The following SNX29 variants were observed in gnomAD, a reference collection of about 807,000 sequenced individuals.
SNX29 encodes the protein sorting nexin-29.
Under a neutral mutation model 102.1 loss-of-function variants are expected in SNX29, and 78 were observed. The ratio of observed to expected loss-of-function variants is 0.76; its 90% CI spans 0.64 to 0.92. The LOEUF (loss-of-function observed/expected upper bound fraction) is 0.92. Among genes scored for constraint, SNX29 ranks in the 40% least tolerant of loss-of-function variants. SNX29 has a pLI of 0.00. For synonymous variants in SNX29, 580 were observed against 414.5 expected (o/e 1.40, Z -4.85); for missense variants, 1,280 against 1,061.7 (o/e 1.21, Z -2.86).
chr16:12,516,318 A>G (rs978347881), intron 19 of SNX29, among the ~76,000 whole-genome samples: 1 of 151,988 alleles, frequency 6.6e-6, no homozygotes, highest in African/African-American at 2.4e-5. Context: ...CGTCTCTACA[A>G]AAACTTTAAA....
At chr16:12,160,178 C>G (rs1455123034) in intron 13 of SNX29, among the ~76,000 whole-genome samples, 1 of 152,230 alleles carries the variant, frequency 6.6e-6, no homozygotes, top group Non-Finnish European at 1.5e-5. Flanking sequence ...TGGATGCCCA[C>G]TGTTTGCCCC....
At chr16:12,455,929 A>G (rs1809095058) in intron 18 of SNX29, among the ~76,000 whole-genome samples, 1 of 152,120 alleles carries the variant, frequency 6.6e-6, no homozygotes, top group Non-Finnish European at 1.5e-5. Flanking sequence ...GGGCATCTCC[A>G]GGAACTGAGG....
At chr16:12,037,806 T>A (rs1168986258) in intron 4 of SNX29, among the ~76,000 whole-genome samples, 3 of 150,760 alleles carry the variant, frequency 2.0e-5, no homozygotes, top group South Asian at 2.1e-4. Flanking sequence ...AAAAAAAAAA[T>A]TAGCCGTGTA....
At chr16:12,467,631 C>CGTTCGTTT (rs2087120026) in intron 18 of SNX29, among the ~76,000 whole-genome samples, 1 of 136,054 alleles carries the variant, frequency 7.4e-6, no homozygotes, top group Non-Finnish European at 1.5e-5. Context: ...TTAGTTCGTT[C>CGTTCGTTT]GTTCGTTCAT....
chr16:12,141,658 G>A (rs1044124536), intron 13 of SNX29, among the ~76,000 whole-genome samples: 4 of 152,228 alleles, frequency 2.6e-5, no homozygotes, highest in African/African-American at 4.8e-5. Flanking sequence ...GATAACTTAC[G>A]GACATTGCCG....
intron 4 of SNX29, among the ~76,000 whole-genome samples, chr16:12,028,348 A>G (rs1352431070): frequency 6.6e-6 from 1 of 151,806 alleles, no homozygotes. Context: ...ACCCTTCAAT[A>G]GATCTTTTTA....
intron 15 of SNX29, among the ~76,000 whole-genome samples, chr16:12,326,760 A>T (rs1182038521): frequency 1.7e-4 from 1 of 6,034 alleles, no homozygotes. Flanking sequence ...AGTGGATATT[A>T]TACTAGCTTG....
At chr16:12,271,199 G>A (rs562279726) in intron 14 of SNX29, among the ~76,000 whole-genome samples, 1 of 152,356 alleles carries the variant, frequency 6.6e-6, no homozygotes, top group South Asian at 2.1e-4. Flanking sequence ...GACAGCCTGG[G>A]TGTGGCTTAG....
At chr16:11,992,210 C>T (rs1596541411) in intron 1 of SNX29, among the ~76,000 whole-genome samples, 1 of 152,078 alleles carries the variant, frequency 6.6e-6, no homozygotes, top group Non-Finnish European at 1.5e-5. Context: ...GGGAGGACTG[C>T]TTGAGCCCTG....
chr16:12,461,327 G>C (rs1597459269), intron 18 of SNX29, among the ~76,000 whole-genome samples: 1 of 152,246 alleles, frequency 6.6e-6, no homozygotes, highest in South Asian at 2.1e-4. Context: ...TGTGCAGCTG[G>C]GCTGACTTGG....
chr16:12,074,079 G>T (rs548252194), intron 10 of SNX29, among the ~76,000 whole-genome samples: 11 of 151,632 alleles, frequency 7.3e-5, no homozygotes, highest in Non-Finnish European at 1.2e-4. Context: ...ACGTGAGATG[G>T]GTTTCCTGAA....
intron 15 of SNX29, among the ~76,000 whole-genome samples, chr16:12,334,634 T>C (rs953928205): frequency 1.3e-5 from 2 of 152,170 alleles, no homozygotes; most frequent in African/African-American, 2.4e-5. Flanking sequence ...ATTCGGTTTT[T>C]AGGATTGAAT....
intron 16 of SNX29, among the ~76,000 whole-genome samples, chr16:12,384,757 C>T (rs1178541818): frequency 6.6e-6 from 1 of 152,172 alleles, no homozygotes; most frequent in Admixed American, 6.5e-5. Context: ...CTTTGGTTGC[C>T]TGCTGGGGTT....
chr16:12,114,636 G>C (rs767776213), intron 11 of SNX29, among the ~76,000 whole-genome samples: 1 of 151,570 alleles, frequency 6.6e-6, no homozygotes, highest in Non-Finnish European at 1.5e-5. Flanking sequence ...GCCTAGGCTG[G>C]AGTGCAGTGG....
chr16:12,276,336 C>T (rs746801627), intron 14 of SNX29, among the ~76,000 whole-genome samples: 2 of 152,202 alleles, frequency 1.3e-5, no homozygotes, highest in African/African-American at 2.4e-5. Flanking sequence ...TCCCTGCATT[C>T]GTGGCCCAGG....
chr16:12,390,176 G>GTGTGTGTA (rs764538243), intron 16 of SNX29, among the ~76,000 whole-genome samples: 4 of 151,852 alleles, frequency 2.6e-5, no homozygotes, highest in Non-Finnish European at 5.9e-5. Context: ...GTGTGTGTGT[G>GTGTGTGTA]TGTGTATGTA....
intron 9 of SNX29, among the ~76,000 whole-genome samples, chr16:12,066,031 C>G (rs749822744): frequency 6.6e-6 from 1 of 152,142 alleles, no homozygotes; most frequent in African/African-American, 2.4e-5. Flanking sequence ...AAGCCATTCG[C>G]GGTTGTGCAT....
At chr16:12,497,968 G>A (rs1353570373) in intron 19 of SNX29, among the ~76,000 whole-genome samples, 5 of 152,172 alleles carry the variant, frequency 3.3e-5, no homozygotes, top group Non-Finnish European at 7.3e-5. Flanking sequence ...ATTCCCCAAG[G>A]AAAGGCTGTA....
At chr16:12,558,829 C>T (rs567328443) in intron 20 of SNX29, among the ~76,000 whole-genome samples, 1 of 152,204 alleles carries the variant, frequency 6.6e-6, no homozygotes, top group African/African-American at 2.4e-5. Context: ...GGCAGGGCCA[C>T]AGTCACCAAG....
Sources: gnomAD v4.1 joint callset for allele counts (sites outside exome capture counted in the v4.1 genomes callset) on GRCh38, gnomAD v4.1.1 for gene constraint, MANE v1.5 for transcripts, NCBI Gene and HGNC (gene_info 2026-07-23, HGNC 2026-07-21) for gene names.